The following EDAR variants were observed in gnomAD, a reference collection of about 807,000 sequenced individuals.
EDAR encodes the protein tumor necrosis factor receptor superfamily member EDAR.
Under a neutral mutation model 51.3 loss-of-function variants are expected in EDAR, and 38 were observed. The observed-to-expected ratio is 0.74, with a 90% CI of 0.57 to 0.97. EDAR has a LOEUF of 0.97. Ranked by LOEUF, EDAR falls within the 50% of genes least tolerant of loss-of-function variation. The pLI, the probability that EDAR is intolerant of heterozygous loss-of-function variation, is 0.00. For synonymous variants in EDAR, 227 were observed against 242.1 expected (o/e 0.94, Z 0.58); for missense variants, 528 against 595.0 (o/e 0.89, Z 1.17).
intron 1 of EDAR, among the ~76,000 whole-genome samples, chr2:108,957,250 T>C (rs914792082): frequency 6.6e-6 from 1 of 152,242 alleles, no homozygotes; most frequent in African/African-American, 2.4e-5. Context: ...CCCAGGTGGC[T>C]GTTCACCTTC....
Position 108,894,874 on chromosome 2 carries a change from G to GT in EDAR, c.*2032dup, listed in dbSNP as rs1301640768. 2 of 152,202 alleles carry GT rather than the reference G, an allele frequency of 1.3e-5. No homozygotes were observed. Among genetic ancestry groups the GT allele is most frequent in the Non-Finnish European group, 2.9e-5 (2 of 68,056 alleles). 9.4% of individuals were successfully genotyped at this position (152,202 alleles called of 1,614,324 possible). ...CTTACAGCCCCAGAATTCTAATAGT[G>GT]TGAAATGAGGCCAAAGCACCAGGAG... On this transcript the variant is annotated 3_prime_UTR_variant, in exon 12 of 12. Transcript: ENST00000258443.
At chr2:108,940,109 T>C (rs1462254582) in intron 1 of EDAR, 4 of 152,240 alleles carry the variant, frequency 2.6e-5, no homozygotes, top group Non-Finnish European at 5.9e-5. Flanking sequence ...AGTTGAAGAA[T>C]ATGAACCATT....
intron 1 of EDAR, among the ~76,000 whole-genome samples, chr2:108,962,013 C>G (rs1698056794): frequency 6.6e-6 from 1 of 152,228 alleles, no homozygotes; most frequent in East Asian, 1.9e-4. Flanking sequence ...CTCCCAACAC[C>G]TCTCCCAGAA....
intron 1 of EDAR, among the ~76,000 whole-genome samples, chr2:108,943,616 G>A (rs746678553): frequency 6.6e-6 from 1 of 152,112 alleles, no homozygotes; most frequent in Admixed American, 6.5e-5. Context: ...ACTCACTTCC[G>A]AGCACAACAG....
chr2:108,944,933 C>A (rs1392875833), intron 1 of EDAR, among the ~76,000 whole-genome samples: 2 of 152,148 alleles, frequency 1.3e-5, no homozygotes, highest in Non-Finnish European at 2.9e-5. Flanking sequence ...GAGCAGAAGG[C>A]CTAGGGTGTC....
At chr2:108,965,373 C>T (rs764012884) in intron 1 of EDAR, among the ~76,000 whole-genome samples, 17 of 149,948 alleles carry the variant, frequency 1.1e-4, no homozygotes, top group East Asian at 3.9e-4. Flanking sequence ...CCCAGCTACT[C>T]GGGAGGCTGA....
chr2:108,929,326 CG>C lies in EDAR; in HGVS notation c.227del (p.Ala76GlyfsTer27), dbSNP rs955846975. 1.2e-6 allele frequency: 2 copies of C among 1,614,126 alleles called. No individual in the cohort carries two copies. The highest frequency in any genetic ancestry group is 1.7e-6 in the Non-Finnish European group (2 of 1,180,026). The part of the protein sequence containing the change: ...DEDYGCVPCP[A>X]EKFSKGGYQI... ...GGTAGCCTCCTTTGGAAAACTTCTC[CG>C]CCGGGCAGGGGACGCAGCCGTAGTC... On this transcript the variant is annotated frameshift_variant, in exon 4 of 12. Coordinates refer to ENST00000258443, the MANE Select transcript of EDAR (RefSeq NM_022336.4). LOFTEE classifies it high-confidence loss of function.
At chr2:108,926,348 G>A (rs1040163982) in intron 4 of EDAR, among the ~76,000 whole-genome samples, 2 of 152,168 alleles carry the variant, frequency 1.3e-5, no homozygotes, top group Admixed American at 6.5e-5. Context: ...TATAGCCCAG[G>A]ACAAGAGTCA....
intron 11 of EDAR, among the ~76,000 whole-genome samples, chr2:108,904,905 T>C (rs1393399219): frequency 6.6e-6 from 1 of 152,224 alleles, no homozygotes; most frequent in Non-Finnish European, 1.5e-5. Flanking sequence ...TCAATATCAG[T>C]GTCCTGGTTG....
chr2:108,929,165 A>T, intron 4 of EDAR, 33 bp downstream of exon 4: 1 of 1,613,080 alleles, frequency 6.2e-7, no homozygotes, highest in African/African-American at 1.3e-5. Context: ...TGCAGAAAGC[A>T]TGCCAGGGTT....
In EDAR at chr2:108,895,702, G is replaced by C. The variant is rs994299662; in HGVS notation, c.*1205C>G. 6.6e-6 allele frequency: 1 copy of C among 152,140 alleles called. No individual in the cohort carries two copies. The highest frequency in any genetic ancestry group is 2.4e-5 in the African/African-American group (1 of 41,408). The allele number at this position is 152,140 out of a possible 1,614,324, so 9.4% of individuals were successfully genotyped here. On this transcript the variant is annotated 3_prime_UTR_variant, in exon 12 of 12. Coordinates refer to ENST00000258443, the MANE Select transcript of EDAR (RefSeq NM_022336.4). ...AGAATCACTAACTAACATCTCATTG[G>C]CAGACGAGAAACTGAGGCAGAGAGA...
chr2:108,921,922 C>T (rs1053909855), intron 5 of EDAR, among the ~76,000 whole-genome samples: 1 of 152,230 alleles, frequency 6.6e-6, no homozygotes, highest in Non-Finnish European at 1.5e-5. Flanking sequence ...GGCCCTACCC[C>T]GAGGCTTTCC....
At chr2:108,923,288 G>T (rs533786849) in intron 5 of EDAR, 80 bp downstream of exon 5, 2 of 1,378,950 alleles carry the variant, frequency 1.5e-6, no homozygotes, top group Non-Finnish European at 2.1e-6. Flanking sequence ...TGCCAGGACC[G>T]GCTCTTTCCT....
At chr2:108,929,963 G>A (rs1201106679) in intron 3 of EDAR, among the ~76,000 whole-genome samples, 157 bp downstream of exon 3, 2 of 152,150 alleles carry the variant, frequency 1.3e-5, no homozygotes. Context: ...GCTCACGGCA[G>A]CTCTTGCCAT....
At chr2:108,986,935 G>T (rs1319262001) in intron 1 of EDAR, among the ~76,000 whole-genome samples, 2 of 152,168 alleles carry the variant, frequency 1.3e-5, no homozygotes, top group African/African-American at 2.4e-5. Context: ...GTTAATTAAT[G>T]ATACTATTGG....
At chr2:108,960,704 C>T (rs1698022079) in intron 1 of EDAR, among the ~76,000 whole-genome samples, 1 of 152,156 alleles carries the variant, frequency 6.6e-6, no homozygotes, top group Middle Eastern at 3.2e-3. Flanking sequence ...ACTGCTGGTC[C>T]TACCATATGG....
intron 1 of EDAR, among the ~76,000 whole-genome samples, chr2:108,973,864 G>A (rs1338767554): frequency 6.6e-6 from 1 of 152,158 alleles, no homozygotes. Flanking sequence ...CATTTCTTGG[G>A]ATTCAAGATG....
intron 4 of EDAR, among the ~76,000 whole-genome samples, chr2:108,927,036 G>A (rs1390305401): frequency 6.6e-6 from 1 of 152,228 alleles, no homozygotes; most frequent in Non-Finnish European, 1.5e-5. Context: ...GGGATTCGGA[G>A]GTGAGGCGGG....
intron 5 of EDAR, among the ~76,000 whole-genome samples, chr2:108,913,856 A>G (rs552989382): frequency 1.3e-5 from 2 of 151,186 alleles, no homozygotes; most frequent in African/African-American, 4.9e-5. Context: ...AGGCTGAGGC[A>G]GGAGAATGGC....
Sources: allele counts gnomAD v4.1 joint callset (sites outside exome capture counted in the v4.1 genomes callset), GRCh38; gene constraint gnomAD v4.1.1; transcripts MANE v1.5; gene names NCBI Gene and HGNC (gene_info 2026-07-23, HGNC 2026-07-21).